The following NKAPD1 variants were observed in gnomAD, a reference collection of about 807,000 sequenced individuals.
NKAPD1 encodes the protein NKAP domain containing 1, also known as uncharacterized protein NKAPD1.
Under a neutral mutation model 30.9 loss-of-function variants are expected in NKAPD1, and 12 were observed. The ratio of observed to expected loss-of-function variants is 0.39; its 90% CI spans 0.25 to 0.63. The LOEUF (loss-of-function observed/expected upper bound fraction) is 0.63, where lower values mean the gene tolerates loss of function less well. Among genes scored for constraint, NKAPD1 ranks in the 20% least tolerant of loss-of-function variants. The pLI, the probability that NKAPD1 is intolerant of heterozygous loss-of-function variation, is 0.51. For synonymous variants in NKAPD1, 91 were observed against 113.6 expected (o/e 0.80, Z 1.26); for missense variants, 311 against 344.5 (o/e 0.90, Z 0.77).
intron 1 of NKAPD1, 31 bp downstream of exon 1, chr11:112,074,947 C>T (rs746494226): frequency 2.5e-5 from 4 of 159,920 alleles, no homozygotes; most frequent in Non-Finnish European, 4.1e-5. Context: ...TTGCACAAAG[C>T]TCCTGCTAGC....
chr11:112,076,611 G>GTA (rs1865336013), intron 2 of NKAPD1, among the ~76,000 whole-genome samples: 1 of 152,182 alleles, frequency 6.6e-6, no homozygotes, highest in Admixed American at 6.5e-5. Context: ...TATGTTACAT[G>GTA]TATTATATAC....
chr11:112,083,083 G>C lies in NKAPD1; in HGVS notation c.*111G>C. 8.7e-7 allele frequency: 1 copy of C among 1,149,944 alleles called. No homozygotes were observed. Among genetic ancestry groups the C allele is most frequent in the Non-Finnish European group, 1.2e-6 (1 of 845,130 alleles). The allele number at this position is 1,149,944 out of a possible 1,614,324, so 71.2% of individuals were successfully genotyped here. ...CGGGGCCTGAGGTCAGAGCTGTCTTGTGCCATCTGTATGTTCTGACAGACG... is the reference window on the plus strand; with the variant it reads ...CGGGGCCTGAGGTCAGAGCTGTCTTCTGCCATCTGTATGTTCTGACAGACG... On this transcript the variant is annotated 3_prime_UTR_variant, in exon 6 of 6. Transcript: ENST00000393047.
intron 3 of NKAPD1, among the ~76,000 whole-genome samples, chr11:112,078,850 C>T (rs1484641607): frequency 6.6e-6 from 1 of 152,162 alleles, no homozygotes; most frequent in Non-Finnish European, 1.5e-5. Flanking sequence ...TGCCTGGCCT[C>T]AGACTTTTCT....
chr11:112,078,384 A>G, intron 3 of NKAPD1, 69 bp downstream of exon 3: 1 of 1,215,728 alleles, frequency 8.2e-7, no homozygotes, highest in African/African-American at 1.5e-5. Flanking sequence ...TTGTTTAAAA[A>G]TACTTTGGTA....
Position 112,082,865 on chromosome 11 carries a change from G to A in NKAPD1, c.775G>A (p.Ala259Thr). Residue 259 changes from alanine to threonine, a missense_variant, in exon 6 of 6, where the codon GCC becomes ACC. By Grantham distance (58) the Ala-to-Thr change is moderately conservative. Coordinates refer to ENST00000393047, the MANE Select transcript of NKAPD1 (RefSeq NM_018195.4). ...KTKRKKREKKAHTSVANNEIQ... is the reference protein window; with the variant it reads ...KTKRKKREKKTHTSVANNEIQ... ...CAAAAGGAAAAAGAGAGAGAAAAAA[G>A]CCCATACCTCTGTAGCCAACAATGA... 6.2e-7 allele frequency: 1 copy of A among 1,613,818 alleles called. No homozygotes were observed. Among genetic ancestry groups the A allele is most frequent in the Non-Finnish European group, 8.5e-7 (1 of 1,179,950 alleles).
In NKAPD1 at chr11:112,083,866, G is replaced by A. The variant is rs909836950; in HGVS notation, c.*894G>A. 1.3e-5 allele frequency: 2 copies of A among 152,482 alleles called. No homozygotes were observed. The highest frequency in any genetic ancestry group is 4.8e-5 in the African/African-American group (2 of 41,384). 9.4% of individuals were successfully genotyped at this position (152,482 alleles called of 1,614,324 possible). On this transcript the variant is annotated 3_prime_UTR_variant, in exon 6 of 6. Coordinates refer to ENST00000393047, the MANE Select transcript of NKAPD1 (RefSeq NM_018195.4). ...TTTAGGTTTTCCCTGAAACTAAGTT[G>A]AATTATTTCCAAAATGAAACAGGCT...
intron 4 of NKAPD1, 64 bp from the exon 5 acceptor site, chr11:112,081,918 G>A: frequency 7.5e-7 from 1 of 1,336,008 alleles, no homozygotes; most frequent in Non-Finnish European, 1.1e-6. Flanking sequence ...TCTTTCTAAT[G>A]TTGCTTTAAT....
At chr11:112,078,577 T>G (rs922610979) in intron 3 of NKAPD1, among the ~76,000 whole-genome samples, 1 of 152,258 alleles carries the variant, frequency 6.6e-6, no homozygotes, top group Non-Finnish European at 1.5e-5. Flanking sequence ...ATTCTAACCT[T>G]ACCTGATAGC....
Position 112,074,863 on chromosome 11 carries a change from T to C in NKAPD1, c.-62T>C, listed in dbSNP as rs931061836. The stretch of plus-strand genomic sequence containing the variant: ...TCCTGGGTCGGAGGAGATCTTGTAA[T>C]GGAGTGGTTCTTCGTCTCACTAGCA... On this transcript the variant is annotated 5_prime_UTR_variant, in exon 1 of 6. It removes an upstream start codon present in the reference 5' UTR. Transcript: ENST00000393047. 1 of 192,610 alleles carries C rather than the reference T, an allele frequency of 5.2e-6. No individual in the cohort carries two copies. The highest frequency in any genetic ancestry group is 1.1e-5 in the Non-Finnish European group (1 of 94,700). 11.9% of individuals were successfully genotyped at this position (192,610 alleles called of 1,614,324 possible). A position where few individuals can be genotyped will look rare whatever the true frequency, so the allele number is the denominator to read the frequency against.
Position 112,084,336 on chromosome 11 carries a change from T to C in NKAPD1, c.*1364T>C, listed in dbSNP as rs1865529447. On this transcript the variant is annotated 3_prime_UTR_variant, in exon 6 of 6. Coordinates refer to ENST00000393047, the MANE Select transcript of NKAPD1 (RefSeq NM_018195.4). The stretch of plus-strand genomic sequence containing the variant: ...AGTTCTAACTGCTAAATTTGTTCTC[T>C]TTACGGGACAGATTTCTAATAAAGT... 6.6e-6 allele frequency: 1 copy of C among 152,668 alleles called. No homozygotes were observed. The highest frequency in any genetic ancestry group is 1.5e-5 in the Non-Finnish European group (1 of 68,048). The allele number at this position is 152,668 out of a possible 1,614,324, so 9.5% of individuals were successfully genotyped here. A position where few individuals can be genotyped will look rare whatever the true frequency, so the allele number is the denominator to read the frequency against.
chr11:112,078,020 A>G (rs1865367171), intron 2 of NKAPD1, among the ~76,000 whole-genome samples, 195 bp from the exon 3 acceptor site: 1 of 151,696 alleles, frequency 6.6e-6, no homozygotes, highest in Non-Finnish European at 1.5e-5. Flanking sequence ...TAATTTTTGT[A>G]TTTTTATTAG....
At chr11:112,075,782 A>C in intron 2 of NKAPD1, 139 bp downstream of exon 2, 1 of 757,164 alleles carries the variant, frequency 1.3e-6, no homozygotes, top group Non-Finnish European at 2.2e-6. Flanking sequence ...AGTAGGAAAT[A>C]AAATGATGAA....
intron 2 of NKAPD1, among the ~76,000 whole-genome samples, chr11:112,077,138 ATAT>A (rs1226775618): frequency 6.6e-6 from 1 of 152,362 alleles, no homozygotes; most frequent in East Asian, 1.9e-4. Context: ...TGGTTTGATC[ATAT>A]TATTATTATC....
In NKAPD1 at chr11:112,075,556, ATTCAT is replaced by A. The variant is rs772633698; in HGVS notation, c.-8-6_-8-2del. Reference sequence around the variant, plus strand: ...AATTATTACTAAACGTTATTTGTTGATTCATTTCAGATTGAAGAATGTCCCGGATT... The same window carrying A: ...AATTATTACTAAACGTTATTTGTTGATTCAGATTGAAGAATGTCCCGGATT... On this transcript the variant is annotated splice_region_variant and splice_polypyrimidine_tract_variant and intron_variant, in intron 1 of 5. Transcript: ENST00000393047. The A allele has an allele frequency of 3.6e-5, 57 of 1,583,046 alleles. No individual in the cohort carries two copies. In the South Asian group the frequency reaches 6.0e-4, roughly 17 times the overall value.
Position 112,082,466 on chromosome 11 carries a change from A to G in NKAPD1, c.376A>G (p.Ser126Gly). The G allele has an allele frequency of 6.4e-7, 1 of 1,568,196 alleles. No individual in the cohort carries two copies. Among genetic ancestry groups the G allele is most frequent in the Non-Finnish European group, 8.6e-7 (1 of 1,165,178 alleles). The stretch of plus-strand genomic sequence containing the variant: ...CTATTTTTTAACTTTTCTTATTAGT[A>G]GTGATCAGCAAGATATTACCAACGG... ...LYPEEFETDS[S>G]DQQDITNGKK... is the part of the protein sequence containing the mutation. The change falls in exon 6 of 6, where the codon AGT becomes GGT. Residue 126 changes from serine (S) to glycine (G), a missense_variant and splice_region_variant. Coordinates refer to ENST00000393047, the MANE Select transcript of NKAPD1 (RefSeq NM_018195.4).
intron 4 of NKAPD1, 23 bp downstream of exon 4, chr11:112,080,581 C>A: frequency 1.2e-6 from 2 of 1,608,924 alleles, no homozygotes; most frequent in Non-Finnish European, 1.7e-6. Flanking sequence ...TTCCTGTGAG[C>A]ATTAATATTT....
chr11:112,080,416 C>T lies in NKAPD1; in HGVS notation c.178C>T (p.Arg60Cys), dbSNP rs369214550. The T allele has an allele frequency of 2.7e-5, 44 of 1,613,362 alleles. No individual in the cohort carries two copies. Among genetic ancestry groups the T allele is most frequent in the South Asian group, 2.5e-4 (23 of 90,998 alleles). ...KMLPSSSSRMRSDGFDEESQR... is the reference protein window; with the variant it reads ...KMLPSSSSRMCSDGFDEESQR... Reference sequence around the variant, plus strand: ...TTCTGCTTTCTCTTTTAGCCGGATGCGCAGTGATGGTTTTGATGAAGAAAG... The same window carrying T: ...TTCTGCTTTCTCTTTTAGCCGGATGTGCAGTGATGGTTTTGATGAAGAAAG... Residue 60 changes from arginine to cysteine, a missense_variant, in exon 4 of 6, where the codon CGC becomes TGC. Physicochemically the swap from Arg to Cys is radical, Grantham distance 180. Coordinates refer to ENST00000393047, the MANE Select transcript of NKAPD1 (RefSeq NM_018195.4).
At chr11:112,080,287 T>TTTTA in intron 3 of NKAPD1, 122 bp from the exon 4 acceptor site, 2 of 822,404 alleles carry the variant, frequency 2.4e-6, no homozygotes, top group Non-Finnish European at 3.7e-6. Context: ...TTTTTTTTTT[T>TTTTA]AAACAGTATC....
Position 112,083,444 on chromosome 11 carries a change from T to C in NKAPD1, c.*472T>C, listed in dbSNP as rs1263513934. 6.5e-6 allele frequency: 1 copy of C among 153,398 alleles called. No individual in the cohort carries two copies. Among genetic ancestry groups the C allele is most frequent in the African/African-American group, 2.4e-5 (1 of 41,480 alleles). The allele number at this position is 153,398 out of a possible 1,614,324, so 9.5% of individuals were successfully genotyped here. On this transcript the variant is annotated 3_prime_UTR_variant, in exon 6 of 6. Coordinates refer to ENST00000393047, the MANE Select transcript of NKAPD1 (RefSeq NM_018195.4). ...ACTAACTTGTCTTTAGCCTTGGTGC[T>C]TTGATCCTTCTATATTTTGACCCCA...
Sources: gnomAD v4.1 joint callset for allele counts (sites outside exome capture counted in the v4.1 genomes callset) on GRCh38, gnomAD v4.1.1 for gene constraint, MANE v1.5 for transcripts, NCBI Gene and HGNC (gene_info 2026-07-23, HGNC 2026-07-21) for gene names.